Variants in PCDHGA11 observed in about 807,000 individuals in gnomAD.
The protein encoded by PCDHGA11 is protocadherin gamma-A11.
A neutral mutation model predicts 60.4 loss-of-function variants in PCDHGA11; 39 were observed. The observed-to-expected ratio is 0.65, with a 90% CI of 0.50 to 0.84. PCDHGA11 has a LOEUF of 0.84. Among genes scored for constraint, PCDHGA11 ranks in the 40% least tolerant of loss-of-function variants. PCDHGA11 has a pLI of 0.00. For synonymous variants in PCDHGA11, 533 were observed against 510.3 expected, an observed-to-expected ratio of 1.04 and a Z score of -0.60; for missense variants, 1,165 against 1,197.7, an observed-to-expected ratio of 0.97 and a Z score of 0.40.
chr5:141,421,892 T>C lies in PCDHGA11; in HGVS notation c.665T>C (p.Ile222Thr). Residue 222 changes from isoleucine (I) to threonine (T), a missense_variant, in exon 1 of 4, where the codon ATC (isoleucine) becomes ACC (threonine). Coordinates refer to ENST00000398587, the MANE Select transcript of PCDHGA11 (RefSeq NM_018914.3). ...ACAGCTTTAGATGGAGGCGATCCCA[T>C]CCGAAAGGGCGCAGTTCCCATTCGT... ...LLTALDGGDP[I>T]RKGAVPIRVV... 1 of 1,613,684 alleles carries C rather than the reference T, an allele frequency of 6.2e-7. No homozygotes were observed. Among genetic ancestry groups the C allele is most frequent in the Non-Finnish European group, 8.5e-7 (1 of 1,179,884 alleles).
At chr5:141,424,723 T>A (rs2096836963) in intron 1 of PCDHGA11, 2 of 152,144 alleles carry the variant, frequency 1.3e-5, no homozygotes, top group African/African-American at 4.8e-5. Context: ...TAGTTGGGAG[T>A]CATAGATTCC....
At chr5:141,430,729 G>T in intron 1 of PCDHGA11, 1 of 1,499,360 alleles carries the variant, frequency 6.7e-7, no homozygotes, top group East Asian at 2.3e-5. Flanking sequence ...GTTAAGGGCA[G>T]AATTGAAAAT....
intron 2 of PCDHGA11, among the ~76,000 whole-genome samples, chr5:141,498,971 G>GGGAAGGAA (rs201769957): frequency 0.022 from 2,449 of 111,032 alleles, 52 homozygotes; most frequent in African/African-American, 0.046. Flanking sequence ...GAGGGAGGGA[G>GGGAAGGAA]GGAAGGAAGG....
intron 1 of PCDHGA11, among the ~76,000 whole-genome samples, chr5:141,457,005 A>T (rs2098903361): frequency 6.6e-6 from 1 of 152,146 alleles, no homozygotes; most frequent in Admixed American, 6.5e-5. Flanking sequence ...TGCATTACTA[A>T]ATCCAATAAA....
At chr5:141,427,818 G>A (rs1356936077) in intron 1 of PCDHGA11, 3 of 1,530,644 alleles carry the variant, frequency 2.0e-6, no homozygotes, top group Non-Finnish European at 2.7e-6. Context: ...GAGCGGGGTG[G>A]TGGTCGCGCA....
intron 1 of PCDHGA11, among the ~76,000 whole-genome samples, chr5:141,461,151 C>A (rs1424467673): frequency 6.6e-6 from 1 of 152,022 alleles, no homozygotes; most frequent in African/African-American, 2.4e-5. Context: ...TGGGTAGATA[C>A]CCAATAGTGG....
intron 2 of PCDHGA11, 160 bp from the exon 3 acceptor site, chr5:141,505,233 C>T: frequency 1.1e-6 from 1 of 872,838 alleles, no homozygotes; most frequent in Non-Finnish European, 1.4e-6. Context: ...ATTCTGGCTT[C>T]TGAAGGATTG....
chr5:141,437,076 A>T (rs1018228245), intron 1 of PCDHGA11, among the ~76,000 whole-genome samples: 2 of 152,236 alleles, frequency 1.3e-5, no homozygotes, highest in African/African-American at 4.8e-5. Context: ...TTTGGGCCAT[A>T]TAAGAATTGA....
Position 141,476,241 on chromosome 5 carries a change from A to G in PCDHGA11, c.2434-18566A>G, listed in dbSNP as rs375405507. ...CACTATGAGATCCCGGAGGAAAGAG[A>G]GAAGGGTTTCGCTGTGGGCAACGTG... On this transcript the variant is annotated intron_variant, in intron 1 of 3. Transcript: ENST00000398587. The surrounding 1 kb of genome is among the most constrained non-coding windows in gnomAD (Gnocchi z 7.6). 3.7e-6 allele frequency: 6 copies of G among 1,613,626 alleles called. No homozygotes were observed. The highest frequency in any genetic ancestry group is 2.2e-5 in the East Asian group (1 of 44,834).
chr5:141,427,697 A>G (rs1306378691), intron 1 of PCDHGA11: 3 of 924,392 alleles, frequency 3.2e-6, no homozygotes, highest in South Asian at 1.4e-5. Context: ...CCATCCCACA[A>G]GTCAGCGCCT....
rs550977374 is a variant in PCDHGA11, at chr5:141,447,118, G to A, written c.2433+23458G>A. 9.2e-5 allele frequency among the ~76,000 whole-genome samples: 14 copies of A among 151,984 alleles called. No individual in the cohort carries two copies. The East Asian group carries it at 2.7e-3, about 29-fold the overall frequency. ...TTCACATGATTATATGTGCTCCATGGATTTTTTTGTTTGTTTGTTTTTTGT... is the reference window on the plus strand; with the variant it reads ...TTCACATGATTATATGTGCTCCATGAATTTTTTTGTTTGTTTGTTTTTTGT... On this transcript the variant is annotated intron_variant, in intron 1 of 3. Transcript: ENST00000398587.
At chr5:141,448,663 G>A (rs1195703194) in intron 1 of PCDHGA11, among the ~76,000 whole-genome samples, 3 of 151,920 alleles carry the variant, frequency 2.0e-5, no homozygotes, top group African/African-American at 7.3e-5. Flanking sequence ...CATATTGGCC[G>A]GGCGCGGTGG....
rs560733170 is a variant in PCDHGA11, at chr5:141,503,895, A to G, written c.2493-1498A>G. ...TTGTGCTCACCCACCATGACAAAATATGCACACACACAACGCAACACACAC... is the reference window on the plus strand; with the variant it reads ...TTGTGCTCACCCACCATGACAAAATGTGCACACACACAACGCAACACACAC... On this transcript the variant is annotated intron_variant, in intron 2 of 3. Transcript: ENST00000398587. Among the ~76,000 whole-genome samples, 12 of 152,302 alleles carry G rather than the reference A, an allele frequency of 7.9e-5. No individual in the cohort carries two copies. The South Asian group carries it at 2.1e-3, about 26-fold the overall frequency.
In PCDHGA11 at chr5:141,431,464, G is replaced by C. The variant is rs1413324509; in HGVS notation, c.2433+7804G>C. On this transcript the variant is annotated intron_variant, in intron 1 of 3. Coordinates refer to ENST00000398587, the MANE Select transcript of PCDHGA11 (RefSeq NM_018914.3). This position sits in a 1 kb window ranked among gnomAD's most constrained non-coding sequence, Gnocchi z 4.8. ...GCATCCGCGTGATGGTTCTGGATGCGAACGACAACGCACCAGCGTTTGCTC... is the reference window on the plus strand; with the variant it reads ...GCATCCGCGTGATGGTTCTGGATGCCAACGACAACGCACCAGCGTTTGCTC... The C allele has an allele frequency of 6.2e-7, 1 of 1,613,664 alleles. No individual in the cohort carries two copies. Among genetic ancestry groups the C allele is most frequent in the African/African-American group, 1.3e-5 (1 of 74,950 alleles).
intron 1 of PCDHGA11, chr5:141,478,585 T>A (rs1474599564): frequency 1.3e-5 from 20 of 1,576,728 alleles, no homozygotes; most frequent in Non-Finnish European, 1.7e-5. Flanking sequence ...TGTTAGTGCT[T>A]TTTTATTCCT....
intron 1 of PCDHGA11, among the ~76,000 whole-genome samples, chr5:141,438,641 C>T (rs1285585706): frequency 0.044 from 3,509 of 79,018 alleles, 123 homozygotes; most frequent in Non-Finnish European, 0.061. Flanking sequence ...TATATACACA[C>T]ACACACACAC....
rs1025148587 is a variant in PCDHGA11 at position 141,431,434 on chromosome 5, C to A, written c.2433+7774C>A. ...GGGGCGACCCGGTGCGCACAGGCAC[C>A]GCGCGCATCCGCGTGATGGTTCTGG... On this transcript the variant is annotated intron_variant, in intron 1 of 3. Transcript: ENST00000398587. This position sits in a 1 kb window ranked among gnomAD's most constrained non-coding sequence, Gnocchi z 4.8. 1.2e-6 allele frequency: 2 copies of A among 1,613,690 alleles called. No homozygotes were observed. Among genetic ancestry groups the A allele is most frequent in the Admixed American group, 1.7e-5 (1 of 60,014 alleles).
chr5:141,427,930 T>C, intron 1 of PCDHGA11: 2 of 1,583,398 alleles, frequency 1.3e-6, no homozygotes. Flanking sequence ...CGGCGCATGT[T>C]GGTGGGCGAC....
chr5:141,433,671 A>G (rs1376085577), intron 1 of PCDHGA11, among the ~76,000 whole-genome samples: 12 of 152,058 alleles, frequency 7.9e-5, no homozygotes, highest in Admixed American at 7.2e-4. Flanking sequence ...CCCCGTCTAT[A>G]CTAAAAAAAT....
Sources: gnomAD v4.1 joint callset for allele counts (sites outside exome capture counted in the v4.1 genomes callset) on GRCh38, gnomAD v4.1.1 for gene constraint, Gnocchi (gnomAD v3.1) non-coding constraint, MANE v1.5 for transcripts, NCBI Gene and HGNC (gene_info 2026-07-23, HGNC 2026-07-21) for gene names.